Variants in MGAT4C observed in about 807,000 individuals in gnomAD.
The protein encoded by MGAT4C is alpha-1,3-mannosyl-glycoprotein 4-beta-N-acetylglucosaminyltransferase C.
Under a neutral mutation model 40.1 loss-of-function variants are expected in MGAT4C, and 19 were observed. The ratio of observed to expected loss-of-function variants is 0.47; its 90% CI spans 0.33 to 0.70. The LOEUF (loss-of-function observed/expected upper bound fraction) is 0.70, where lower values mean the gene tolerates loss of function less well. Among genes scored for constraint, MGAT4C ranks in the 30% least tolerant of loss-of-function variants. MGAT4C has a pLI of 0.02. For synonymous variants in MGAT4C, 181 were observed against 187.1 expected (o/e 0.97, Z 0.27); for missense variants, 491 against 563.2 (o/e 0.87, Z 1.30).
chr12:86,117,715 G>A (rs984898893), intron 1 of MGAT4C, among the ~76,000 whole-genome samples: 1 of 152,104 alleles, frequency 6.6e-6, no homozygotes, highest in East Asian at 1.9e-4. Flanking sequence ...CTAGAAACTG[G>A]GGTTAAGAGT....
rs912147010 is a variant in MGAT4C at position 85,989,286 on chromosome 12, C to A, written c.147+114G>T. 47 of 1,002,432 alleles carry A rather than the reference C, an allele frequency of 4.7e-5. No individual in the cohort carries two copies. The Middle Eastern group carries it at 1.3e-3, about 27-fold the overall frequency. The allele number at this position is 1,002,432 out of a possible 1,614,324, so 62.1% of individuals were successfully genotyped here. Reference sequence around the variant, plus strand: ...AGACAATATACATGTTATAATTTTGCTCAAACTAAGTCTTCTCCAATAGCT... The same window carrying A: ...AGACAATATACATGTTATAATTTTGATCAAACTAAGTCTTCTCCAATAGCT... On this transcript the variant is annotated intron_variant, in intron 3 of 4. Transcript: ENST00000611864.
intron 2 of MGAT4C, among the ~76,000 whole-genome samples, chr12:86,606,845 T>C (rs1316799139): frequency 1.3e-5 from 2 of 152,140 alleles, no homozygotes; most frequent in Admixed American, 1.3e-4. Context: ...GTTCAAATTA[T>C]CTCTACATTA....
intron 1 of MGAT4C, among the ~76,000 whole-genome samples, chr12:86,104,924 A>G (rs1875871666): frequency 6.6e-6 from 1 of 152,108 alleles, no homozygotes. Flanking sequence ...AATACTTTTA[A>G]CAGGGTTCAG....
intron 2 of MGAT4C, among the ~76,000 whole-genome samples, chr12:86,518,077 G>A (rs991979745): frequency 3.9e-5 from 6 of 152,086 alleles, no homozygotes; most frequent in Non-Finnish European, 7.4e-5. Context: ...CAGAAATATG[G>A]GGCAAGATGA....
intron 2 of MGAT4C, among the ~76,000 whole-genome samples, chr12:86,540,780 C>A (rs1592967423): frequency 6.6e-6 from 1 of 151,328 alleles, no homozygotes; most frequent in African/African-American, 2.5e-5. Context: ...AAGCTGAAAC[C>A]ACTCAGTTTG....
chr12:86,415,225 T>C (rs976474428), intron 3 of MGAT4C, among the ~76,000 whole-genome samples: 2 of 151,908 alleles, frequency 1.3e-5, no homozygotes, highest in African/African-American at 4.8e-5. Flanking sequence ...CAGAGAAGAG[T>C]TAAGTCAATT....
chr12:86,254,734 A>G (rs1952445268), intron 1 of MGAT4C, among the ~76,000 whole-genome samples: 1 of 152,044 alleles, frequency 6.6e-6, no homozygotes, highest in African/African-American at 2.4e-5. Context: ...TCTCAGCAAA[A>G]AATTGACTCT....
Position 86,194,268 on chromosome 12 carries a change from T to A in MGAT4C, c.-57+61971A>T, listed in dbSNP as rs906371404. ...AACATCTAAAAAGTCCAATAACCCT[T>A]GTTTTTTTTTATCACTGGGTTTCAG... On this transcript the variant is annotated intron_variant, in intron 1 of 4. Coordinates refer to ENST00000611864, the MANE Select transcript of MGAT4C (RefSeq NM_001351288.2). 2.0e-5 allele frequency among the ~76,000 whole-genome samples: 3 copies of A among 150,264 alleles called. No homozygotes were observed. The Admixed American group carries it at 2.0e-4, about 10-fold the overall frequency.
intron 2 of MGAT4C, among the ~76,000 whole-genome samples, chr12:86,538,778 T>C (rs1286962068): frequency 6.6e-6 from 1 of 151,860 alleles, no homozygotes; most frequent in African/African-American, 2.4e-5. Flanking sequence ...TGGCTAATTT[T>C]TTATATTTTT....
At chr12:86,653,502 A>ACCTAG (rs1963755496) in intron 2 of MGAT4C, among the ~76,000 whole-genome samples, 1 of 151,928 alleles carries the variant, frequency 6.6e-6, no homozygotes, top group Non-Finnish European at 1.5e-5. Context: ...GAATGCTCAT[A>ACCTAG]CCTAGCTGTA....
At chr12:86,693,272 A>G (rs963635749) in intron 2 of MGAT4C, among the ~76,000 whole-genome samples, 5 of 152,198 alleles carry the variant, frequency 3.3e-5, no homozygotes, top group African/African-American at 7.2e-5. Context: ...TCATGTATAC[A>G]CTGATTAATT....
intron 1 of MGAT4C, among the ~76,000 whole-genome samples, chr12:86,251,131 G>GTT (rs5799770): frequency 1.2e-3 from 159 of 138,094 alleles, no homozygotes; most frequent in African/African-American, 3.4e-3. Context: ...TTTATTTCCC[G>GTT]TTTTTTTTTT....
rs111990863 is a variant in MGAT4C, at chr12:86,762,045, T to C, written c.-261-34804A>G. Among the ~76,000 whole-genome samples, 645 of 151,742 alleles carry C rather than the reference T, an allele frequency of 4.3e-3. 3 individuals are homozygous for C. Among genetic ancestry groups the C allele is most frequent in the African/African-American group, 0.015 (619 of 41,396 alleles). ...AACAGGCTGAAATAATGGTGAGGGA[T>C]AGGCTGCACTTTTTTTTTTTTTCTT... On this transcript the variant is annotated intron_variant, in intron 1 of 7. Transcript: ENST00000548651.
At chr12:86,789,544 T>G (rs1951988475) in intron 1 of MGAT4C, among the ~76,000 whole-genome samples, 1 of 152,114 alleles carries the variant, frequency 6.6e-6, no homozygotes, top group Non-Finnish European at 1.5e-5. Flanking sequence ...GATAGCTATT[T>G]CAGCCCAGTT....
At chr12:86,538,180 G>A (rs1326749997) in intron 2 of MGAT4C, among the ~76,000 whole-genome samples, 3 of 152,226 alleles carry the variant, frequency 2.0e-5, no homozygotes, top group African/African-American at 7.2e-5. Context: ...TCTGAGATGA[G>A]AAGGCACATG....
intron 2 of MGAT4C, among the ~76,000 whole-genome samples, chr12:86,668,815 C>CA (rs1322046989): frequency 1.3e-5 from 2 of 152,106 alleles, no homozygotes; most frequent in Non-Finnish European, 2.9e-5. Context: ...TCCAGCTTAG[C>CA]GAATTAGAGC....
At chr12:86,580,011 T>C (rs1228740635) in intron 2 of MGAT4C, among the ~76,000 whole-genome samples, 1 of 151,556 alleles carries the variant, frequency 6.6e-6, no homozygotes, top group African/African-American at 2.4e-5. Flanking sequence ...ATTAAATGCT[T>C]GAGGTAGTCT....
chr12:86,338,045 G>T (rs1328073502), intron 3 of MGAT4C, among the ~76,000 whole-genome samples: 1 of 152,046 alleles, frequency 6.6e-6, no homozygotes, highest in Non-Finnish European at 1.5e-5. Context: ...CCTAGACAGA[G>T]CTGATTTACC....
chr12:86,813,793 C>T (rs1261507233), intron 1 of MGAT4C, among the ~76,000 whole-genome samples: 1 of 152,098 alleles, frequency 6.6e-6, no homozygotes, highest in African/African-American at 2.4e-5. Context: ...TTTTACAAAT[C>T]TTCTCTTCCA....
Sources: gnomAD v4.1 joint callset for allele counts (sites outside exome capture counted in the v4.1 genomes callset) on GRCh38, gnomAD v4.1.1 for gene constraint, MANE v1.5 for transcripts, NCBI Gene and HGNC (gene_info 2026-07-23, HGNC 2026-07-21) for gene names.